The following DHX36 variants were observed in gnomAD, a reference collection of about 807,000 sequenced individuals.
The protein encoded by DHX36 is ATP-dependent DNA/RNA helicase DHX36.
A neutral mutation model predicts 139.0 loss-of-function variants in DHX36; 50 were observed. The observed-to-expected ratio is 0.36, with a 90% CI of 0.29 to 0.46. DHX36 has a LOEUF of 0.46. Ranked by LOEUF, DHX36 falls within the 20% of genes least tolerant of loss-of-function variation. DHX36 has a pLI of 1.00. For missense variants in DHX36, 1,024 were observed against 1,211.3 expected, an observed-to-expected ratio of 0.85 and a Z score of 2.29; for synonymous variants, 425 against 401.9, an observed-to-expected ratio of 1.06 and a Z score of -0.69.
chr3:154,291,418 C>T (rs967356185), intron 15 of DHX36, among the ~76,000 whole-genome samples: 1 of 152,160 alleles, frequency 6.6e-6, no homozygotes, highest in African/African-American at 2.4e-5. Flanking sequence ...AACCTGTTCA[C>T]TATGGTGAAT....
In DHX36 at chr3:154,305,277, A is replaced by T. The variant is rs1051825378; in HGVS notation, c.894-109T>A. 1.3e-5 allele frequency: 12 copies of T among 925,494 alleles called. No individual in the cohort carries two copies. In the African/African-American group the frequency reaches 2.0e-4, roughly 16 times the overall value. The allele number at this position is 925,494 out of a possible 1,614,324, so 57.3% of individuals were successfully genotyped here. On this transcript the variant is annotated intron_variant, in intron 6 of 24. Coordinates refer to ENST00000496811, the MANE Select transcript of DHX36 (RefSeq NM_020865.3). ...AGAAATGCTTTCAGTTTTAATGAAA[A>T]TCTTCACACTTAATTTTTTACTTAT... is the stretch of plus-strand genomic sequence containing the variant.
chr3:154,282,710 A>G (rs1719370106), intron 20 of DHX36, among the ~76,000 whole-genome samples: 2 of 152,168 alleles, frequency 1.3e-5, no homozygotes, highest in Admixed American at 6.5e-5. Context: ...TACTGGGAGA[A>G]GATGAGGATA....
chr3:154,290,018 C>T lies in DHX36; in HGVS notation c.1815-192G>A, dbSNP rs185203552. On this transcript the variant is annotated intron_variant, in intron 15 of 24. Transcript: ENST00000496811. ...TCTTCTGTTTAGAAAAACGTTATAC[C>T]CTCTACCCTCATCACAGTTTTAAGA... is the stretch of plus-strand genomic sequence containing the variant. Among the ~76,000 whole-genome samples, 180 of 151,972 alleles carry T rather than the reference C, an allele frequency of 1.2e-3. 1 individual carries two copies. The highest frequency in any genetic ancestry group is 4.0e-3 in the African/African-American group (164 of 41,462).
At chr3:154,303,441 T>C in intron 8 of DHX36, 31 bp from the exon 9 acceptor site, 2 of 1,484,002 alleles carry the variant, frequency 1.3e-6, no homozygotes, top group Non-Finnish European at 1.8e-6. Flanking sequence ...TAAGCATAAA[T>C]TTGTACTCAA....
rs1559958792 is a variant in DHX36 at position 154,312,891 on chromosome 3, AT to A, written c.604-1218del. 2.9e-4 allele frequency among the ~76,000 whole-genome samples: 30 copies of A among 102,156 alleles called. 1 individual carries two copies. Among genetic ancestry groups the A allele is most frequent in the South Asian group, 9.6e-4 (3 of 3,128 alleles). 67.0% of individuals were successfully genotyped at this position (102,156 alleles called of 152,430 possible). On this transcript the variant is annotated intron_variant, in intron 3 of 24. Coordinates refer to ENST00000496811, the MANE Select transcript of DHX36 (RefSeq NM_020865.3). The stretch of plus-strand genomic sequence containing the variant: ...TATATATATATATATATATATATAT[AT>A]ATATATATAAAATAAATAAAGAACT...
rs560747812 is a variant in DHX36, at chr3:154,319,998, C to T, written c.244-3835G>A. Among the ~76,000 whole-genome samples, 25 of 152,306 alleles carry T rather than the reference C, an allele frequency of 1.6e-4. No individual in the cohort carries two copies. The South Asian group carries it at 5.2e-3, about 32-fold the overall frequency. On this transcript the variant is annotated intron_variant, in intron 1 of 24. Transcript: ENST00000496811. The stretch of plus-strand genomic sequence containing the variant: ...AATCTCTGTTTCACTTGCCACCCTA[C>T]CGCAATCTGGCTTTTACTTCCACAA...
intron 12 of DHX36, among the ~76,000 whole-genome samples, chr3:154,297,697 G>A (rs567338362): frequency 2.8e-4 from 41 of 148,758 alleles, no homozygotes; most frequent in African/African-American, 8.6e-4. Context: ...GAAACAGAGC[G>A]AGACTCCACC....
Position 154,306,415 on chromosome 3 carries a change from A to C in DHX36, c.814-120T>G, listed in dbSNP as rs550402788. 10 of 757,622 alleles carry C rather than the reference A, an allele frequency of 1.3e-5. No homozygotes were observed. In the South Asian group the frequency reaches 1.7e-4, roughly 13 times the overall value. 46.9% of individuals were successfully genotyped at this position (757,622 alleles called of 1,614,324 possible). A position where few individuals can be genotyped will look rare whatever the true frequency, so the allele number is the denominator to read the frequency against. On this transcript the variant is annotated intron_variant, in intron 5 of 24. Coordinates refer to ENST00000496811, the MANE Select transcript of DHX36 (RefSeq NM_020865.3). ...TTCAGATTTCTAAATGAGTTAAAAA[A>C]ATAGATATTAAAATCTGAGGTATCT...
intron 6 of DHX36, 109 bp downstream of exon 6, chr3:154,306,107 G>A (rs1396159276): frequency 2.6e-6 from 2 of 776,722 alleles, no homozygotes; most frequent in African/African-American, 1.7e-5. Flanking sequence ...AATGGTAATT[G>A]TAATAGTAAT....
intron 6 of DHX36, among the ~76,000 whole-genome samples, 160 bp downstream of exon 6, chr3:154,306,056 T>C (rs1385319521): frequency 6.6e-6 from 1 of 152,236 alleles, no homozygotes; most frequent in Admixed American, 6.5e-5. Flanking sequence ...GGTTAAAAGA[T>C]AAATTTGTGG....
chr3:154,287,227 C>A (rs1289171063), intron 17 of DHX36, among the ~76,000 whole-genome samples: 1 of 152,214 alleles, frequency 6.6e-6, no homozygotes, highest in Non-Finnish European at 1.5e-5. Context: ...TCAACCCCAA[C>A]ACACATCAAC....
intron 17 of DHX36, among the ~76,000 whole-genome samples, chr3:154,288,653 C>A (rs1313824723): frequency 6.6e-6 from 1 of 152,084 alleles, no homozygotes; most frequent in Non-Finnish European, 1.5e-5. Flanking sequence ...AGATCCTAGT[C>A]TTTTAAGAAT....
chr3:154,300,549 T>A (rs1712226017), intron 11 of DHX36, 45 bp downstream of exon 11: 2 of 1,484,184 alleles, frequency 1.3e-6, no homozygotes, highest in Non-Finnish European at 1.9e-6. Context: ...GATACGTTAA[T>A]AAAATTAAAA....
chr3:154,304,287 G>T (rs1347968849), intron 8 of DHX36, among the ~76,000 whole-genome samples: 4 of 152,160 alleles, frequency 2.6e-5, no homozygotes, highest in African/African-American at 9.7e-5. Context: ...TTTGCAGCTG[G>T]TCCAATCTAG....
chr3:154,296,347 G>A lies in DHX36; in HGVS notation c.1550-1008C>T, dbSNP rs559213756. On this transcript the variant is annotated intron_variant, in intron 12 of 24. Transcript: ENST00000496811. ...AACTTAGCTGGGCGTGTTGGCGGGC[G>A]CCTGTAGTCCCAGCTACCTGGGAGG... 5.9e-5 allele frequency among the ~76,000 whole-genome samples: 9 copies of A among 152,166 alleles called. No homozygotes were observed. In the South Asian group the frequency reaches 1.2e-3, roughly 21 times the overall value.
chr3:154,288,185 A>C (rs951070838), intron 17 of DHX36, among the ~76,000 whole-genome samples: 1 of 151,680 alleles, frequency 6.6e-6, no homozygotes, highest in African/African-American at 2.4e-5. Context: ...AAAAGAAAAA[A>C]AACCATAGCT....
intron 2 of DHX36, 45 bp from the exon 3 acceptor site, chr3:154,315,325 TC>T: frequency 1.4e-6 from 2 of 1,382,430 alleles, no homozygotes; most frequent in Non-Finnish European, 2.0e-6. Context: ...GATGAGCCAC[TC>T]AAACACTGGA....
At chr3:154,278,138 T>C (rs1434396934) in intron 22 of DHX36, among the ~76,000 whole-genome samples, 1 of 152,158 alleles carries the variant, frequency 6.6e-6, no homozygotes, top group Admixed American at 6.5e-5. Context: ...ACAATCATAA[T>C]ACTGATAAAC....
chr3:154,277,439 A>G (rs1304489603), intron 23 of DHX36, among the ~76,000 whole-genome samples, 159 bp downstream of exon 23: 1 of 152,194 alleles, frequency 6.6e-6, no homozygotes, highest in African/African-American at 2.4e-5. Flanking sequence ...CCTGAAAATT[A>G]AAAGAATAGG....
Sources: allele counts gnomAD v4.1 joint callset (sites outside exome capture counted in the v4.1 genomes callset), GRCh38; gene constraint gnomAD v4.1.1; transcripts MANE v1.5; gene names NCBI Gene and HGNC (gene_info 2026-07-23, HGNC 2026-07-21).